Variants in PCDHGA5 observed in about 807,000 individuals in gnomAD.
PCDHGA5 encodes protocadherin gamma-A5.
A neutral mutation model predicts 56.7 loss-of-function variants in PCDHGA5; 36 were observed. The observed-to-expected ratio is 0.64, with a 90% CI of 0.49 to 0.84. The LOEUF (loss-of-function observed/expected upper bound fraction) is 0.84. Ranked by LOEUF, PCDHGA5 falls within the 40% of genes least tolerant of loss-of-function variation. The pLI, the probability that PCDHGA5 is intolerant of heterozygous loss-of-function variation, is 0.00. For synonymous variants in PCDHGA5, 563 were observed against 520.2 expected (o/e 1.08, Z -1.12); for missense variants, 1,305 against 1,201.5 (o/e 1.09, Z -1.27).
intron 1 of PCDHGA5, among the ~76,000 whole-genome samples, chr5:141,475,620 G>A (rs2154572702): frequency 6.6e-6 from 1 of 152,238 alleles, no homozygotes; most frequent in Admixed American, 6.5e-5. Flanking sequence ...TTTTCGGTTT[G>A]GTTCGATCCC....
At chr5:141,470,736 C>A (rs541510544) in intron 1 of PCDHGA5, among the ~76,000 whole-genome samples, 1 of 152,092 alleles carries the variant, frequency 6.6e-6, no homozygotes, top group Non-Finnish European at 1.5e-5. Context: ...CTTGCTCTGT[C>A]GCCCTGGCTG....
intron 3 of PCDHGA5, among the ~76,000 whole-genome samples, chr5:141,509,049 C>G (rs1384134813): frequency 3.3e-5 from 5 of 152,150 alleles, no homozygotes; most frequent in Non-Finnish European, 5.9e-5. Context: ...TCCCCCGCCC[C>G]CAGAAAGCTC....
At position 141,432,307 on chromosome 5, in the gene PCDHGA5, G is replaced by A. The variant is rs2097484688; in HGVS notation, c.2422-62500G>A. On this transcript the variant is annotated intron_variant, in intron 1 of 3. Transcript: ENST00000518069. The surrounding 1 kb of genome is among the most constrained non-coding windows in gnomAD (Gnocchi z 6.0). ...ACTCCGACACTGGGGTACTGTATGC[G>A]CTGAGCTCCTTCGACTACGAGCAGT... The A allele has an allele frequency of 5.0e-6, 8 of 1,614,240 alleles. No individual in the cohort carries two copies. Among genetic ancestry groups the A allele is most frequent in the South Asian group, 1.1e-5 (1 of 91,086 alleles).
intron 1 of PCDHGA5, chr5:141,400,218 G>C (rs2093982352): frequency 6.2e-7 from 1 of 1,613,932 alleles, no homozygotes; most frequent in Admixed American, 1.7e-5. Context: ...TGATCTCAGT[G>C]CTCTTCCTCC....
intron 1 of PCDHGA5, chr5:141,382,913 C>G: frequency 5.2e-6 from 8 of 1,553,234 alleles, no homozygotes; most frequent in Non-Finnish European, 7.0e-6. Context: ...GCGGCTCAGC[C>G]GAGGGGCGGG....
chr5:141,468,351 A>T (rs1030472813), intron 1 of PCDHGA5: 1 of 149,190 alleles, frequency 6.7e-6, no homozygotes, highest in East Asian at 2.0e-4. Flanking sequence ...AAAAAAAAAG[A>T]AAGAAAAAAG....
chr5:141,393,522 G>C, intron 1 of PCDHGA5: 2 of 1,614,030 alleles, frequency 1.2e-6, no homozygotes, highest in South Asian at 2.2e-5. Flanking sequence ...GGATACAAAT[G>C]ACAATGCCCC....
intron 1 of PCDHGA5, among the ~76,000 whole-genome samples, chr5:141,484,419 A>G (rs978469951): frequency 1.3e-5 from 2 of 152,206 alleles, no homozygotes; most frequent in Non-Finnish European, 2.9e-5. Flanking sequence ...TCCTGTTACA[A>G]TGAGAACATG....
Position 141,366,150 on chromosome 5 carries a change from G to T in PCDHGA5, c.1820G>T (p.Arg607Leu). The change falls in exon 1 of 4, where the codon CGC (arginine) becomes CTC (leucine). Residue 607 changes from arginine (R) to leucine (L), a missense_variant. Coordinates refer to ENST00000518069, the MANE Select transcript of PCDHGA5 (RefSeq NM_018918.3). ...DSGQNAWLSY[R>L]LLKASEPGLF... ...GGCCAGAACGCCTGGCTGTCCTACC[G>T]CCTGCTTAAGGCCAGCGAGCCAGGA... The T allele has an allele frequency of 2.5e-6, 4 of 1,614,136 alleles. No homozygotes were observed. The highest frequency in any genetic ancestry group is 3.4e-6 in the Non-Finnish European group (4 of 1,180,044).
In PCDHGA5 at chr5:141,489,637, T is replaced by G. The variant is rs1230531256; in HGVS notation, c.2422-5170T>G. The G allele has an allele frequency of 6.2e-6, 10 of 1,614,032 alleles. No homozygotes were observed. The highest frequency in any genetic ancestry group is 2.7e-5 in the African/African-American group (2 of 74,914). On this transcript the variant is annotated intron_variant, in intron 1 of 3. Transcript: ENST00000518069. The surrounding 1 kb of genome is among the most constrained non-coding windows in gnomAD (Gnocchi z 4.5). The stretch of plus-strand genomic sequence containing the variant: ...GGATCTCAATGACAACTCTCCTAGC[T>G]TTGCCACCCCTGAGCGAGAGATGCG...
In PCDHGA5 at chr5:141,476,238, G is replaced by A; in HGVS notation, c.2422-18569G>A. The A allele has an allele frequency of 1.2e-6, 2 of 1,614,098 alleles. No individual in the cohort carries two copies. ...ATTCACTATGAGATCCCGGAGGAAAGAGAGAAGGGTTTCGCTGTGGGCAAC... is the reference window on the plus strand; with the variant it reads ...ATTCACTATGAGATCCCGGAGGAAAAAGAGAAGGGTTTCGCTGTGGGCAAC... On this transcript the variant is annotated intron_variant, in intron 1 of 3. Coordinates refer to ENST00000518069, the MANE Select transcript of PCDHGA5 (RefSeq NM_018918.3). The surrounding 1 kb of genome is among the most constrained non-coding windows in gnomAD (Gnocchi z 7.6).
chr5:141,408,307 C>T, intron 1 of PCDHGA5: 1 of 1,613,820 alleles, frequency 6.2e-7, no homozygotes, highest in East Asian at 2.2e-5. Flanking sequence ...CGATCCGCTA[C>T]TCGATTCCGG....
rs570765907 is a variant in PCDHGA5, at chr5:141,414,583, G to T, written c.2421+47832G>T. The T allele has an allele frequency of 5.6e-6, 9 of 1,613,854 alleles. No individual in the cohort carries two copies. In the South Asian group the frequency reaches 8.8e-5, roughly 16 times the overall value. On this transcript the variant is annotated intron_variant, in intron 1 of 3. Coordinates refer to ENST00000518069, the MANE Select transcript of PCDHGA5 (RefSeq NM_018918.3). Reference sequence around the variant, plus strand: ...CTTTACCTATATCCCAGAGAACAACGCCAGGGGTGCCTCCATCTTCTCAGT... The same window carrying T: ...CTTTACCTATATCCCAGAGAACAACTCCAGGGGTGCCTCCATCTTCTCAGT...
At chr5:141,394,463 G>C (rs1244366845) in intron 1 of PCDHGA5, 1 of 1,614,130 alleles carries the variant, frequency 6.2e-7, no homozygotes, top group Non-Finnish European at 8.5e-7. Flanking sequence ...CACTGAGCCT[G>C]TTCGTGCTGG....
intron 2 of PCDHGA5, among the ~76,000 whole-genome samples, chr5:141,503,292 A>G (rs7710319): frequency 6.6e-6 from 1 of 151,928 alleles, no homozygotes; most frequent in African/African-American, 2.4e-5. Flanking sequence ...TGGTACATAG[A>G]AATTGCTCAA....
At position 141,423,722 on chromosome 5, in the gene PCDHGA5, G is replaced by A. The variant is rs541297269; in HGVS notation, c.2421+56971G>A. Reference sequence around the variant, plus strand: ...CTTGGCACAAGTCTTTTAAGGAGATGTTTTTTGAGCCTGTTATGAAAACTG... The same window carrying A: ...CTTGGCACAAGTCTTTTAAGGAGATATTTTTTGAGCCTGTTATGAAAACTG... On this transcript the variant is annotated intron_variant, in intron 1 of 3. Coordinates refer to ENST00000518069, the MANE Select transcript of PCDHGA5 (RefSeq NM_018918.3). 5 of 954,184 alleles carry A rather than the reference G, an allele frequency of 5.2e-6. No individual in the cohort carries two copies. In the African/African-American group the frequency reaches 6.3e-5, roughly 12 times the overall value. The allele number at this position is 954,184 out of a possible 1,614,324, so 59.1% of individuals were successfully genotyped here.
chr5:141,410,414 G>A lies in PCDHGA5; in HGVS notation c.2421+43663G>A, dbSNP rs201698858. On this transcript the variant is annotated intron_variant, in intron 1 of 3. Coordinates refer to ENST00000518069, the MANE Select transcript of PCDHGA5 (RefSeq NM_018918.3). ...TGGTCTCTGTGTCAAGTCTGGACCT[G>A]TAGTTCCCCCCAACTACAGTGAGGG... 2.0e-4 allele frequency: 326 copies of A among 1,613,916 alleles called. 1 individual carries two copies. The highest frequency in any genetic ancestry group is 2.7e-4 in the Non-Finnish European group (315 of 1,179,910).
chr5:141,409,179 G>A, intron 1 of PCDHGA5: 1 of 1,613,988 alleles, frequency 6.2e-7, no homozygotes. Context: ...GACGGAGGTG[G>A]TCTCTCTACC....
intron 1 of PCDHGA5, chr5:141,420,546 G>T: frequency 3.5e-6 from 1 of 284,254 alleles, no homozygotes; most frequent in Admixed American, 5.0e-5. Flanking sequence ...ATAAAATACA[G>T]GTATATTTTT....
Sources: gnomAD v4.1 joint callset for allele counts (sites outside exome capture counted in the v4.1 genomes callset) on GRCh38, gnomAD v4.1.1 for gene constraint, Gnocchi (gnomAD v3.1) non-coding constraint, MANE v1.5 for transcripts, NCBI Gene and HGNC (gene_info 2026-07-23, HGNC 2026-07-21) for gene names.